LRRC69: variants seen among roughly 807,000 people sequenced by gnomAD.
LRRC69 encodes leucine-rich repeat-containing protein 69.
Under a neutral mutation model 37.8 loss-of-function variants are expected in LRRC69, and 42 were observed. That is an observed-to-expected ratio of 1.11 (90% confidence interval 0.87 to 1.44). The LOEUF (loss-of-function observed/expected upper bound fraction) is 1.44, where lower values mean the gene tolerates loss of function less well. LRRC69 is among the 40% of genes most tolerant of loss of function. The probability of loss-of-function intolerance (pLI) is 0.00; values close to 1 mark genes in which losing one functional copy is unlikely to be tolerated. For synonymous variants in LRRC69, 141 were observed against 143.1 expected (o/e 0.99, Z 0.11); for missense variants, 357 against 401.9 (o/e 0.89, Z 0.96).
chr8:91,214,617 T>C (rs992146019), intron 7 of LRRC69, among the ~76,000 whole-genome samples: 7 of 152,152 alleles, frequency 4.6e-5, no homozygotes, highest in African/African-American at 1.7e-4. Flanking sequence ...ATATCAGGAC[T>C]AATTTCCTCA....
intron 6 of LRRC69, among the ~76,000 whole-genome samples, chr8:91,195,564 C>G (rs1809582873): frequency 6.7e-6 from 1 of 149,956 alleles, no homozygotes; most frequent in Admixed American, 6.6e-5. Context: ...ATAGTTAGCT[C>G]TTCTTGTTGA....
chr8:91,128,032 G>T (rs1216263434), intron 3 of LRRC69, among the ~76,000 whole-genome samples: 1 of 151,936 alleles, frequency 6.6e-6, no homozygotes, highest in African/African-American at 2.4e-5. Flanking sequence ...TTCTATAAAA[G>T]ATAAATATTT....
rs1486361737 is a variant in LRRC69 at position 91,157,817 on chromosome 8, A to G, written c.651+22078A>G. 3.7e-6 allele frequency: 6 copies of G among 1,607,164 alleles called. No individual in the cohort carries two copies. In the East Asian group the frequency reaches 6.7e-5, roughly 18 times the overall value. On this transcript the variant is annotated intron_variant, in intron 5 of 7. Transcript: ENST00000448384. ...AGTGGAATGGGATTATTCCCCACAA[A>G]GGGAGTGGGAAAAGGAGCTGCATCA...
chr8:91,211,617 T>TAA (rs1491299767), intron 7 of LRRC69, among the ~76,000 whole-genome samples: 1 of 119,700 alleles, frequency 8.4e-6, no homozygotes, highest in Non-Finnish European at 1.7e-5. Flanking sequence ...TATATATATA[T>TAA]TTTTTTTTTA....
intron 1 of LRRC69, among the ~76,000 whole-genome samples, chr8:91,105,238 A>G (rs1303153045): frequency 6.6e-6 from 1 of 151,854 alleles, no homozygotes; most frequent in Non-Finnish European, 1.5e-5. Context: ...TCTTGGAGAA[A>G]TTGTGGAATT....
chr8:91,117,254 A>G (rs1314644982), intron 1 of LRRC69, among the ~76,000 whole-genome samples: 1 of 152,104 alleles, frequency 6.6e-6, no homozygotes, highest in South Asian at 2.1e-4. Flanking sequence ...CAATACATCC[A>G]TTCTTTACAT....
At position 91,156,267 on chromosome 8, in the gene LRRC69, A is replaced by G. The variant is rs114910318; in HGVS notation, c.651+20528A>G. On this transcript the variant is annotated intron_variant, in intron 5 of 7. Coordinates refer to ENST00000448384, the Ensembl canonical transcript of LRRC69. ...AAACTTTTGGACAAGAGCCATTCCA[A>G]CTGGGATGAGATATGTCTTACTGTG... is the stretch of plus-strand genomic sequence containing the variant. Among the ~76,000 whole-genome samples, 1,162 of 151,074 alleles carry G rather than the reference A, an allele frequency of 7.7e-3. 18 individuals carry two copies. Among genetic ancestry groups the G allele is most frequent in the African/African-American group, 0.027 (1,126 of 41,400 alleles).
intron 5 of LRRC69, among the ~76,000 whole-genome samples, chr8:91,170,290 T>C (rs1809104717): frequency 1.3e-5 from 1 of 79,242 alleles, no homozygotes; most frequent in African/African-American, 5.5e-5. Context: ...ATGAGCATTT[T>C]TTCATGTGTT....
At chr8:91,160,960 C>T (rs760927657) in intron 5 of LRRC69, among the ~76,000 whole-genome samples, 4 of 151,154 alleles carry the variant, frequency 2.6e-5, no homozygotes, top group Admixed American at 6.6e-5. Flanking sequence ...TTTGTTTAGT[C>T]ATATTCCTTT....
At chr8:91,176,134 A>ATATATATGTATTTTTTT in intron 5 of LRRC69, among the ~76,000 whole-genome samples, 7 of 75,702 alleles carry the variant, frequency 9.2e-5, no homozygotes, top group Non-Finnish European at 1.7e-4. Flanking sequence ...ATATATATAT[A>ATATATATGTATTTTTTT]TTTTTTTTTT....
intron 5 of LRRC69, among the ~76,000 whole-genome samples, chr8:91,152,305 A>G (rs1000258490): frequency 6.6e-6 from 1 of 151,676 alleles, no homozygotes; most frequent in Non-Finnish European, 1.5e-5. Flanking sequence ...TAATTTTTGC[A>G]TAAGGTGTAA....
intron 5 of LRRC69, among the ~76,000 whole-genome samples, chr8:91,174,055 C>CTTTTTTTTTTTTTTT (rs1386082716): frequency 3.3e-5 from 5 of 150,978 alleles, no homozygotes; most frequent in Admixed American, 1.3e-4. Flanking sequence ...CCTTATTTTT[C>CTTTTTTTTTTTTTTT]TACAATGCCT....
intron 1 of LRRC69, among the ~76,000 whole-genome samples, chr8:91,117,305 T>G (rs1371726681): frequency 6.6e-6 from 1 of 152,004 alleles, no homozygotes; most frequent in Non-Finnish European, 1.5e-5. Flanking sequence ...TAATGAGTAC[T>G]AGGTTCATTG....
At chr8:91,191,922 G>A (rs943247987) in intron 6 of LRRC69, among the ~76,000 whole-genome samples, 1 of 151,700 alleles carries the variant, frequency 6.6e-6, no homozygotes, top group Non-Finnish European at 1.5e-5. Flanking sequence ...GCACACATGT[G>A]CCATGCTGGT....
intron 5 of LRRC69, among the ~76,000 whole-genome samples, chr8:91,183,858 TG>T (rs1809363060): frequency 6.6e-6 from 1 of 152,204 alleles, no homozygotes; most frequent in Admixed American, 6.5e-5. Flanking sequence ...CAAGGAAGCC[TG>T]GTGGCAAGAA....
intron 5 of LRRC69, among the ~76,000 whole-genome samples, chr8:91,180,712 G>A (rs1016836378): frequency 1.3e-5 from 2 of 152,122 alleles, no homozygotes; most frequent in Non-Finnish European, 2.9e-5. Flanking sequence ...ATGAAGGCAG[G>A]GAAAATAAAG....
At chr8:91,126,866 G>A (rs1200462659) in intron 2 of LRRC69, among the ~76,000 whole-genome samples, 1 of 152,000 alleles carries the variant, frequency 6.6e-6, no homozygotes, top group Non-Finnish European at 1.5e-5. Flanking sequence ...TGATGAGCCT[G>A]GTTGCATCCT....
chr8:91,107,559 A>T (rs904587612), intron 1 of LRRC69, among the ~76,000 whole-genome samples: 4 of 152,078 alleles, frequency 2.6e-5, no homozygotes, highest in African/African-American at 9.7e-5. Context: ...TTAAATGTTT[A>T]TATATTTAAA....
intron 6 of LRRC69, among the ~76,000 whole-genome samples, chr8:91,191,557 A>C (rs982830100): frequency 6.6e-6 from 1 of 152,196 alleles, no homozygotes; most frequent in African/African-American, 2.4e-5. Flanking sequence ...AGAGCTACTA[A>C]GTGTTGGGAC....
Sources: allele counts gnomAD v4.1 joint callset (sites outside exome capture counted in the v4.1 genomes callset), GRCh38; gene constraint gnomAD v4.1.1; transcripts MANE v1.5; gene names NCBI Gene and HGNC (gene_info 2026-07-23, HGNC 2026-07-21).